Variants in KCNAB1 observed in about 807,000 individuals in gnomAD.
KCNAB1 encodes potassium voltage-gated channel subfamily A regulatory beta subunit 1, also known as voltage-gated potassium channel subunit beta-1.
Under a neutral mutation model 64.6 loss-of-function variants are expected in KCNAB1, and 35 were observed. That is an observed-to-expected ratio of 0.54 (90% CI 0.41 to 0.72). KCNAB1 has a LOEUF of 0.72. Among genes scored for constraint, KCNAB1 ranks in the 30% least tolerant of loss-of-function variants. The pLI, the probability that KCNAB1 is intolerant of heterozygous loss-of-function variation, is 0.00. For synonymous variants in KCNAB1, 177 were observed against 183.8 expected (o/e 0.96, Z 0.30); for missense variants, 401 against 512.9 (o/e 0.78, Z 2.11).
chr3:156,231,684 A>G (rs564876076), intron 1 of KCNAB1, among the ~76,000 whole-genome samples: 1 of 151,884 alleles, frequency 6.6e-6, no homozygotes, highest in Non-Finnish European at 1.5e-5. Flanking sequence ...TGCACAATAA[A>G]ACTTGGTCTT....
chr3:156,351,009 G>A (rs894992403), intron 1 of KCNAB1, among the ~76,000 whole-genome samples: 1 of 152,238 alleles, frequency 6.6e-6, no homozygotes, highest in Admixed American at 6.5e-5. Flanking sequence ...GGGACGTAGT[G>A]AACGGAAGGA....
Position 156,474,756 on chromosome 3 carries a change from G to T in KCNAB1, c.594G>T (p.Arg198Ser). The change falls in exon 8 of 14, where the codon AGG becomes AGT. Residue 198 changes from arginine (R) to serine (S), a missense_variant. Transcript: ENST00000490337. Reference sequence around the variant, plus strand: ...CAGGATTGAAGGGCTCCCTCCAGAGGCTGCAGCTCGAGTATGTGGATGTGG... The same window carrying T: ...CAGGATTGAAGGGCTCCCTCCAGAGTCTGCAGCTCGAGTATGTGGATGTGG... Reference protein sequence around the residue: ...IIEGLKGSLQRLQLEYVDVVF... With the variant: ...IIEGLKGSLQSLQLEYVDVVF... 6.2e-7 allele frequency: 1 copy of T among 1,613,312 alleles called. No individual in the cohort carries two copies. The highest frequency in any genetic ancestry group is 8.5e-7 in the Non-Finnish European group (1 of 1,179,442).
intron 1 of KCNAB1, among the ~76,000 whole-genome samples, chr3:156,344,296 C>T (rs183723992): frequency 2.0e-5 from 3 of 152,292 alleles, no homozygotes; most frequent in Admixed American, 6.5e-5. Flanking sequence ...ATTTGCCTTG[C>T]GACAAAGAAC....
At chr3:156,285,370 A>G (rs1193538915) in intron 1 of KCNAB1, among the ~76,000 whole-genome samples, 1 of 152,202 alleles carries the variant, frequency 6.6e-6, no homozygotes, top group African/African-American at 2.4e-5. Flanking sequence ...GGAAAAACTA[A>G]TGACAGTTGT....
intron 4 of KCNAB1, among the ~76,000 whole-genome samples, chr3:156,459,448 T>C (rs762165651): frequency 4.6e-4 from 70 of 152,100 alleles, no homozygotes; most frequent in Non-Finnish European, 9.1e-4. Flanking sequence ...TTGTTCTCCA[T>C]AGTCACAATT....
intron 1 of KCNAB1, among the ~76,000 whole-genome samples, chr3:156,264,057 A>G (rs1385192758): frequency 2.0e-5 from 3 of 152,022 alleles, no homozygotes; most frequent in African/African-American, 7.2e-5. Flanking sequence ...TTTCAAGTCT[A>G]TTGTTTTTGT....
intron 1 of KCNAB1, among the ~76,000 whole-genome samples, chr3:156,257,554 A>G (rs1055281033): frequency 3.3e-5 from 5 of 152,178 alleles, no homozygotes; most frequent in African/African-American, 1.2e-4. Context: ...TCTTTACACA[A>G]TAAAGAAGTT....
chr3:156,268,598 T>G (rs1430074294), intron 1 of KCNAB1, among the ~76,000 whole-genome samples: 3 of 152,238 alleles, frequency 2.0e-5, no homozygotes, highest in African/African-American at 7.2e-5. Context: ...GTTGTTGTTT[T>G]GATTTGCATT....
intron 3 of KCNAB1, among the ~76,000 whole-genome samples, chr3:156,454,179 TAG>T (rs921402286): frequency 6.6e-5 from 10 of 152,314 alleles, no homozygotes; most frequent in Admixed American, 1.3e-4. Context: ...GACTTTAAGC[TAG>T]AGAGTAGCAT....
At chr3:156,483,272 C>T (rs1714962704) in intron 8 of KCNAB1, among the ~76,000 whole-genome samples, 1 of 152,146 alleles carries the variant, frequency 6.6e-6, no homozygotes, top group Non-Finnish European at 1.5e-5. Context: ...TGTAGCTCAT[C>T]ATTTGGCCTG....
At chr3:156,280,005 C>T (rs1440545767) in intron 1 of KCNAB1, among the ~76,000 whole-genome samples, 1 of 149,818 alleles carries the variant, frequency 6.7e-6, no homozygotes, top group African/African-American at 2.5e-5. Flanking sequence ...GCTTTTGTTG[C>T]CATTGCTTTT....
At chr3:156,184,305 A>G (rs1468796849) in intron 1 of KCNAB1, among the ~76,000 whole-genome samples, 1 of 152,204 alleles carries the variant, frequency 6.6e-6, no homozygotes, top group Non-Finnish European at 1.5e-5. Flanking sequence ...TGCCCCTGCC[A>G]GGCCTGGCTT....
intron 11 of KCNAB1, among the ~76,000 whole-genome samples, chr3:156,520,732 G>C (rs947491801): frequency 1.3e-5 from 2 of 152,210 alleles, no homozygotes; most frequent in African/African-American, 4.8e-5. Flanking sequence ...TAAAATTTCA[G>C]AAGGCAAGTT....
At chr3:156,493,572 G>A (rs1401575837) in intron 8 of KCNAB1, among the ~76,000 whole-genome samples, 1 of 152,040 alleles carries the variant, frequency 6.6e-6, no homozygotes, top group Non-Finnish European at 1.5e-5. Context: ...AAAACCTGGA[G>A]ATTAACATTA....
intron 1 of KCNAB1, among the ~76,000 whole-genome samples, chr3:156,214,263 C>T (rs917208406): frequency 8.6e-5 from 13 of 151,932 alleles, no homozygotes; most frequent in Admixed American, 2.0e-4. Flanking sequence ...CAATTTGTAC[C>T]CAACTTGGAT....
intron 8 of KCNAB1, among the ~76,000 whole-genome samples, chr3:156,498,074 G>A (rs1261888227): frequency 6.6e-6 from 1 of 152,180 alleles, no homozygotes; most frequent in Middle Eastern, 3.2e-3. Context: ...ATTGAAGCAA[G>A]TCAAACATCA....
chr3:156,351,138 C>CA (rs138526871), intron 1 of KCNAB1, among the ~76,000 whole-genome samples: 235 of 152,376 alleles, frequency 1.5e-3, no homozygotes, highest in Non-Finnish European at 2.7e-3. Context: ...AGACTGCTGA[C>CA]TTTTTCAAGT....
At chr3:156,293,186 C>T (rs760165078) in intron 1 of KCNAB1, among the ~76,000 whole-genome samples, 6 of 152,194 alleles carry the variant, frequency 3.9e-5, no homozygotes, top group Non-Finnish European at 7.3e-5. Flanking sequence ...CTCCTCATTA[C>T]ATTTGCTTTG....
chr3:156,525,770 G>GC (rs2108413877), intron 12 of KCNAB1, among the ~76,000 whole-genome samples: 1 of 152,256 alleles, frequency 6.6e-6, no homozygotes, highest in Admixed American at 6.5e-5. Context: ...TGCCTTGGCC[G>GC]CCTAAAGTGC....
Sources: allele counts gnomAD v4.1 joint callset (sites outside exome capture counted in the v4.1 genomes callset), GRCh38; gene constraint gnomAD v4.1.1; transcripts MANE v1.5; gene names NCBI Gene and HGNC (gene_info 2026-07-23, HGNC 2026-07-21).